PTPN14: variants seen among roughly 807,000 people sequenced by gnomAD.
PTPN14 encodes the protein protein tyrosine phosphatase non-receptor type 14.
Under a neutral mutation model 126.8 loss-of-function variants are expected in PTPN14, and 53 were observed. That is an observed-to-expected ratio of 0.42 (90% CI 0.34 to 0.53). The LOEUF (loss-of-function observed/expected upper bound fraction) is 0.53, where lower values mean the gene tolerates loss of function less well. Ranked by LOEUF, PTPN14 falls within the 20% of genes least tolerant of loss-of-function variation. PTPN14 has a pLI of 0.08. For synonymous variants in PTPN14, 630 were observed against 599.3 expected (o/e 1.05, Z -0.75); for missense variants, 1,257 against 1,552.9 (o/e 0.81, Z 3.20).
chr1:214,388,193 G>A (rs138762942), intron 11 of PTPN14, among the ~76,000 whole-genome samples: 1 of 152,306 alleles, frequency 6.6e-6, no homozygotes, highest in African/African-American at 2.4e-5. Flanking sequence ...GTAATCTAGA[G>A]CAAGCCATTT....
rs1397442955 is a variant in PTPN14 at position 214,490,848 on chromosome 1, A to AGGAAG, written c.-154-25896_-154-25892dup. Among the ~76,000 whole-genome samples, 8 of 32,650 alleles carry AGGAAG rather than the reference A, an allele frequency of 2.5e-4. No individual in the cohort carries two copies. The East Asian group carries it at 7.2e-3, about 30-fold the overall frequency. 21.4% of individuals were successfully genotyped at this position (32,650 alleles called of 152,430 possible). Reference sequence around the variant, plus strand: ...CGAGACGGAAGGGAAAGGAAAGGAAAGGAAGGGAAGGGAGGGGAGGGGAGG... The same window carrying AGGAAG: ...CGAGACGGAAGGGAAAGGAAAGGAAAGGAAGGGAAGGGAAGGGAGGGGAGGGGAGG... On this transcript the variant is annotated intron_variant, in intron 1 of 18. Transcript: ENST00000366956.
intron 2 of PTPN14, among the ~76,000 whole-genome samples, chr1:214,452,971 AACATTATACAGATCAATCCCTGCC>A (rs1660303755): frequency 6.6e-6 from 1 of 152,130 alleles, no homozygotes; most frequent in Admixed American, 6.5e-5. Flanking sequence ...CTGCCCCCTC[AACATTATACAGATCAATCCCTGCC>A]ACAACCCCAC....
At chr1:214,481,916 G>A (rs971901622) in intron 1 of PTPN14, among the ~76,000 whole-genome samples, 8 of 151,858 alleles carry the variant, frequency 5.3e-5, no homozygotes, top group Admixed American at 3.9e-4. Flanking sequence ...GAACCCAGGA[G>A]GCAGAGCTTG....
intron 3 of PTPN14, among the ~76,000 whole-genome samples, chr1:214,423,073 G>A (rs1030942362): frequency 2.6e-5 from 4 of 151,848 alleles, no homozygotes; most frequent in African/African-American, 7.3e-5. Flanking sequence ...TGAGGAGATC[G>A]CTTCAGCCCA....
chr1:214,365,558 C>CAG (rs1658061495), intron 17 of PTPN14, among the ~76,000 whole-genome samples: 2 of 152,110 alleles, frequency 1.3e-5, no homozygotes. Flanking sequence ...TCTTGATACT[C>CAG]AGTGAACCTC....
chr1:214,494,115 G>T (rs1433057404), intron 1 of PTPN14, among the ~76,000 whole-genome samples: 5 of 151,912 alleles, frequency 3.3e-5, no homozygotes, highest in Admixed American at 6.6e-5. Flanking sequence ...CTGTCGCCCA[G>T]GCTGGAGTGC....
In PTPN14 at chr1:214,378,112, A is replaced by T. The variant is rs775816708; in HGVS notation, c.2545-10T>A. On this transcript the variant is annotated splice_polypyrimidine_tract_variant and intron_variant, in intron 13 of 18. Coordinates refer to ENST00000366956, the MANE Select transcript of PTPN14 (RefSeq NM_005401.5). ...TCTGCTTCTCTAGATTCTTGCGGCA[A>T]GAAAAGGCATGTGCTCATTGTTTAT... is the stretch of plus-strand genomic sequence containing the variant. The T allele has an allele frequency of 6.2e-7, 1 of 1,606,342 alleles. No individual in the cohort carries two copies. Among genetic ancestry groups the T allele is most frequent in the South Asian group, 1.1e-5 (1 of 90,692 alleles).
intron 3 of PTPN14, among the ~76,000 whole-genome samples, chr1:214,429,824 A>C (rs1198235762): frequency 6.6e-6 from 1 of 152,228 alleles, no homozygotes; most frequent in Admixed American, 6.5e-5. Context: ...AGGAAGTACT[A>C]AAGGTAGATA....
chr1:214,468,833 T>A (rs1660695446), intron 1 of PTPN14, among the ~76,000 whole-genome samples: 2 of 152,242 alleles, frequency 1.3e-5, no homozygotes, highest in Admixed American at 1.3e-4. Context: ...TATGGACTTC[T>A]CTGATCCTTA....
chr1:214,396,441 G>A (rs564569432), intron 8 of PTPN14, among the ~76,000 whole-genome samples: 93 of 152,178 alleles, frequency 6.1e-4, no homozygotes, highest in Non-Finnish European at 9.3e-4. Flanking sequence ...TTACATCTAC[G>A]TGGACTCATA....
At position 214,349,262 on chromosome 1, in the gene PTPN14, A is replaced by G. The variant is rs1443640174; in HGVS notation, c.*8660T>C. On this transcript the variant is annotated 3_prime_UTR_variant, in exon 19 of 19. Transcript: ENST00000366956. ...GCATTTCTTACGGCAACAACATAAGAGATGGTGATTAAATGTCTGGGTCAG... is the reference window on the plus strand; with the variant it reads ...GCATTTCTTACGGCAACAACATAAGGGATGGTGATTAAATGTCTGGGTCAG... 1 of 152,188 alleles carries G rather than the reference A, an allele frequency of 6.6e-6. No homozygotes were observed. Among genetic ancestry groups the G allele is most frequent in the Non-Finnish European group, 1.5e-5 (1 of 68,030 alleles). 9.4% of individuals were successfully genotyped at this position (152,188 alleles called of 1,614,324 possible). A position where few individuals can be genotyped will look rare whatever the true frequency, so the allele number is the denominator to read the frequency against.
At chr1:214,525,508 G>C (rs905522863) in intron 1 of PTPN14, among the ~76,000 whole-genome samples, 1 of 152,162 alleles carries the variant, frequency 6.6e-6, no homozygotes, top group African/African-American at 2.4e-5. Context: ...ATTTAAATTT[G>C]CTACTTGAAT....
At chr1:214,448,289 G>A (rs1660190147) in intron 3 of PTPN14, among the ~76,000 whole-genome samples, 1 of 152,154 alleles carries the variant, frequency 6.6e-6, no homozygotes, top group South Asian at 2.1e-4. Context: ...GGAGTGCAGT[G>A]GCGCGATCTC....
At chr1:214,410,657 A>G (rs1476114556) in intron 5 of PTPN14, among the ~76,000 whole-genome samples, 2 of 152,196 alleles carry the variant, frequency 1.3e-5, no homozygotes, top group Admixed American at 1.3e-4. Flanking sequence ...ATCCAAATTC[A>G]GTCCTCTGCA....
At chr1:214,478,360 T>C (rs905684580) in intron 1 of PTPN14, among the ~76,000 whole-genome samples, 2 of 152,146 alleles carry the variant, frequency 1.3e-5, no homozygotes, top group African/African-American at 4.8e-5. Flanking sequence ...GTAGGAAAAG[T>C]TGCAGAGTAA....
intron 3 of PTPN14, among the ~76,000 whole-genome samples, chr1:214,432,384 T>C (rs1659815990): frequency 6.6e-6 from 1 of 152,224 alleles, no homozygotes; most frequent in Non-Finnish European, 1.5e-5. Context: ...GCCTTACAAT[T>C]TGCTTTTCAT....
chr1:214,468,645 A>G (rs149676307), intron 1 of PTPN14, among the ~76,000 whole-genome samples: 280 of 152,334 alleles, frequency 1.8e-3, no homozygotes, highest in Middle Eastern at 6.8e-3. Context: ...TAAATATACA[A>G]AATGTTAACA....
intron 1 of PTPN14, among the ~76,000 whole-genome samples, chr1:214,539,621 A>G (rs371392561): frequency 6.6e-6 from 1 of 152,226 alleles, no homozygotes; most frequent in South Asian, 2.1e-4. Flanking sequence ...CAAAGGAATA[A>G]TTTACTATTA....
chr1:214,433,971 A>C (rs1426650312), intron 3 of PTPN14, among the ~76,000 whole-genome samples: 45 of 127,864 alleles, frequency 3.5e-4, no homozygotes, highest in East Asian at 2.0e-3. Flanking sequence ...AAAAAAAAAA[A>C]ACTCAAAAAA....
Sources: allele counts gnomAD v4.1 joint callset (sites outside exome capture counted in the v4.1 genomes callset), GRCh38; gene constraint gnomAD v4.1.1; transcripts MANE v1.5; gene names NCBI Gene and HGNC (gene_info 2026-07-23, HGNC 2026-07-21).